Variants in B9D1 observed in about 807,000 individuals in gnomAD.
The protein encoded by B9D1 is B9 domain-containing protein 1.
B9D1 carries 20 observed loss-of-function variants against 26.1 expected under a neutral mutation model. That is an observed-to-expected ratio of 0.77 (90% CI 0.54 to 1.12). B9D1 has a LOEUF of 1.12. Among genes scored for constraint, B9D1 ranks in the 50% most tolerant of loss-of-function variants. The pLI is 0.00. For missense variants in B9D1, 260 were observed against 273.7 expected, an observed-to-expected ratio of 0.95 and a Z score of 0.35; for synonymous variants, 105 against 103.1, an observed-to-expected ratio of 1.02 and a Z score of -0.11.
chr17:19,366,063 C>T (rs929745238), upstream of B9D1, among the ~76,000 whole-genome samples: 4 of 151,896 alleles, frequency 2.6e-5, no homozygotes, highest in Admixed American at 2.0e-4. Flanking sequence ...CTTCCTTGAA[C>T]GCCTCTCCCC....
intron 1 of B9D1, among the ~76,000 whole-genome samples, chr17:19,368,985 T>C (rs1911742536): frequency 6.6e-6 from 1 of 152,214 alleles, no homozygotes; most frequent in Admixed American, 6.5e-5. Context: ...TTACTGAGTA[T>C]AAGCACCTCT....
chr17:19,338,685 G>A (rs747393202), downstream of B9D1, among the ~76,000 whole-genome samples: 6 of 152,120 alleles, frequency 3.9e-5, no homozygotes, highest in African/African-American at 9.7e-5. Flanking sequence ...CCCACATGTC[G>A]TACTATGAGA....
At chr17:19,374,827 G>A (rs1359267373) in intron 1 of B9D1, among the ~76,000 whole-genome samples, 1 of 152,168 alleles carries the variant, frequency 6.6e-6, no homozygotes, top group Non-Finnish European at 1.5e-5. Flanking sequence ...AAAGTGAAAA[G>A]ACGATCTGAG....
rs1283456055 is a variant in B9D1, at chr17:19,347,143, TTG to T, written c.404+124_404+125del. 1.2e-6 allele frequency: 2 copies of T among 1,606,570 alleles called. No homozygotes were observed. Among genetic ancestry groups the T allele is most frequent in the East Asian group, 4.5e-5 (2 of 44,730 alleles). On this transcript the variant is annotated intron_variant, in intron 5 of 6. Coordinates refer to ENST00000261499, the MANE Select transcript of B9D1 (RefSeq NM_015681.6). The surrounding 1 kb of genome is among the most constrained non-coding windows in gnomAD (Gnocchi z 4.3). ...GCACTCCCAGGGGACCTGTTTCTAT[TTG>T]TCCTCAGTGGGTGGAGCAGCTTGCA... is the stretch of plus-strand genomic sequence containing the variant.
At position 19,372,639 on chromosome 17, in the gene B9D1, C is replaced by G. The variant is rs1911949319; in HGVS notation, c.-298+5220G>C. ...ATCTCGGTGCCTGTCACAGATTTCC[C>G]TCATCAGAGAAAGCTGGGACTTGTG... On this transcript the variant is annotated intron_variant, in intron 1 of 5. Transcript: ENST00000477478. This position sits in a 1 kb window ranked among gnomAD's most constrained non-coding sequence, Gnocchi z 4.4. Among the ~76,000 whole-genome samples, 1 of 152,206 alleles carries G rather than the reference C, an allele frequency of 6.6e-6. No individual in the cohort carries two copies. The highest frequency in any genetic ancestry group is 1.5e-5 in the Non-Finnish European group (1 of 68,034).
chr17:19,366,516 A>AC (rs1031394764), upstream of B9D1, among the ~76,000 whole-genome samples: 14 of 151,888 alleles, frequency 9.2e-5, no homozygotes, highest in East Asian at 5.8e-4. Flanking sequence ...CCTCACAGTG[A>AC]CCCCCCAGAC....
chr17:19,345,321 T>C (rs1292644747), intron 5 of B9D1, among the ~76,000 whole-genome samples: 2 of 152,086 alleles, frequency 1.3e-5, no homozygotes, highest in African/African-American at 2.4e-5. Context: ...AGGGGAGGGG[T>C]GCAGCCCCAG....
At chr17:19,376,343 G>A (rs1020482566) in intron 1 of B9D1, among the ~76,000 whole-genome samples, 14 of 152,150 alleles carry the variant, frequency 9.2e-5, no homozygotes, top group Non-Finnish European at 8.8e-5. Flanking sequence ...TTCAGGCCAC[G>A]ATGGGAGGTG....
Position 19,358,174 on chromosome 17 carries a change from G to C in B9D1, c.133-223C>G, listed in dbSNP as rs372320274. Among the ~76,000 whole-genome samples, 5 of 152,178 alleles carry C rather than the reference G, an allele frequency of 3.3e-5. No homozygotes were observed. The East Asian group carries it at 5.8e-4, about 18-fold the overall frequency. ...ACCCTGGGAGGCCAGCCACTCTCCCGGGCACAAGGGCACTAGATCTGGTCC... is the reference window on the plus strand; with the variant it reads ...ACCCTGGGAGGCCAGCCACTCTCCCCGGCACAAGGGCACTAGATCTGGTCC... On this transcript the variant is annotated intron_variant, in intron 2 of 6. Transcript: ENST00000261499.
At chr17:19,358,477 C>T (rs561198922) in intron 2 of B9D1, among the ~76,000 whole-genome samples, 1 of 152,364 alleles carries the variant, frequency 6.6e-6, no homozygotes, top group Admixed American at 6.5e-5. Flanking sequence ...TCCAATGTGA[C>T]TGCTGGCTCC....
chr17:19,338,052 C>G (rs72838804), downstream of B9D1, among the ~76,000 whole-genome samples: 1 of 152,184 alleles, frequency 6.6e-6, no homozygotes, highest in Non-Finnish European at 1.5e-5. Context: ...GAGTACAGAG[C>G]CTTCTCCAGC....
In B9D1 at chr17:19,377,738, AGGGCTCCGCCCACCCGC is replaced by A. The variant is rs1912216089; in HGVS notation, c.-298+104_-298+120del. The A allele has an allele frequency of 7.1e-6, 5 of 705,564 alleles. No individual in the cohort carries two copies. In the South Asian group the frequency reaches 3.2e-4, roughly 45 times the overall value. 43.7% of individuals were successfully genotyped at this position (705,564 alleles called of 1,614,324 possible). On this transcript the variant is annotated intron_variant, in intron 1 of 5. Transcript: ENST00000477478. ...GGGTCGGGACAGCTCGGTTCCAGCG[AGGGCTCCGCCCACCCGC>A]GGGCTCCGCAGAGGAGCAGAGGTTG... is the stretch of plus-strand genomic sequence containing the variant.
chr17:19,337,935 G>A (rs928400396), downstream of B9D1, among the ~76,000 whole-genome samples: 3 of 152,180 alleles, frequency 2.0e-5, no homozygotes, highest in African/African-American at 7.2e-5. Context: ...AAATGGGCTT[G>A]GTTAACATTG....
chr17:19,377,456 C>G (rs957778420), intron 1 of B9D1, among the ~76,000 whole-genome samples: 1 of 152,208 alleles, frequency 6.6e-6, no homozygotes, highest in Non-Finnish European at 1.5e-5. Flanking sequence ...GCATAATATG[C>G]TACATTTTTG....
At chr17:19,367,261 T>C (rs1911643641), upstream of B9D1, among the ~76,000 whole-genome samples, 1 of 152,106 alleles carries the variant, frequency 6.6e-6, no homozygotes, top group Non-Finnish European at 1.5e-5. Context: ...CTCAACAATG[T>C]TGTGTGTTTA....
chr17:19,376,655 G>A (rs894208510), intron 1 of B9D1, among the ~76,000 whole-genome samples: 20 of 126,008 alleles, frequency 1.6e-4, no homozygotes, highest in Admixed American at 1.1e-3. Context: ...AAAAAAAGCC[G>A]GGCTTGATGG....
chr17:19,357,669 A>G, intron 3 of B9D1, 171 bp downstream of exon 3: 1 of 666,436 alleles, frequency 1.5e-6, no homozygotes, highest in Non-Finnish European at 2.8e-6. Context: ...GGGGATGAGG[A>G]AGAAGAGGAG....
At chr17:19,365,347 G>C (rs1911532167), upstream of B9D1, among the ~76,000 whole-genome samples, 1 of 152,246 alleles carries the variant, frequency 6.6e-6, no homozygotes, top group Admixed American at 6.5e-5. The surrounding 1 kb of genome is among the most constrained non-coding windows in gnomAD (Gnocchi z 5.0). Flanking sequence ...GTGAAGGGGA[G>C]GTGGAGAGCT....
chr17:19,366,726 A>G (rs1024585957), upstream of B9D1, among the ~76,000 whole-genome samples: 3 of 152,212 alleles, frequency 2.0e-5, no homozygotes, highest in South Asian at 2.1e-4. Flanking sequence ...CGGAGGGGCC[A>G]CACTTGGAAC....
Sources: allele counts gnomAD v4.1 joint callset (sites outside exome capture counted in the v4.1 genomes callset), GRCh38; gene constraint gnomAD v4.1.1; non-coding constraint Gnocchi (gnomAD v3.1); transcripts MANE v1.5; gene names NCBI Gene and HGNC (gene_info 2026-07-23, HGNC 2026-07-21).